The following SMG9 variants were observed in gnomAD, a reference collection of about 807,000 sequenced individuals.
SMG9 encodes nonsense-mediated mRNA decay factor SMG9.
In SMG9, 55 loss-of-function variants were observed where a neutral mutation model predicts 64.0. The ratio of observed to expected loss-of-function variants is 0.86; its 90% CI spans 0.69 to 1.08. SMG9 has a LOEUF of 1.08. SMG9 is among the 50% of genes least tolerant of loss of function. The pLI, the probability that SMG9 is intolerant of heterozygous loss-of-function variation, is 0.00. For missense variants in SMG9, 554 were observed against 681.3 expected (o/e 0.81, Z 2.08); for synonymous variants, 244 against 254.8 (o/e 0.96, Z 0.41).
chr19:43,734,621 C>CA (rs1968599458), intron 9 of SMG9, 126 bp from the exon 10 acceptor site: 1 of 577,066 alleles, frequency 1.7e-6, no homozygotes, highest in Non-Finnish European at 3.1e-6. Context: ...ACCATATACA[C>CA]ACCATGTTTC....
rs1302553874 is a variant in SMG9 at position 43,754,777 on chromosome 19, TG to T, written c.-131del. The T allele has an allele frequency of 6.6e-6, 1 of 151,456 alleles. No individual in the cohort carries two copies. Among genetic ancestry groups the T allele is most frequent in the Non-Finnish European group, 1.5e-5 (1 of 67,824 alleles). 9.4% of individuals were successfully genotyped at this position (151,456 alleles called of 1,614,324 possible). On this transcript the variant is annotated 5_prime_UTR_variant, in exon 1 of 14. The change abolishes the stop of an existing upstream ORF in the 5' untranslated region. Transcript: ENST00000270066. ...AAATGGCGTCTGGGGGCCAGGAACG[TG>T]GGAAGGAGAGAAAATGGGCACTCCC...
chr19:43,732,842 T>C lies in SMG9; in HGVS notation c.1484+16A>G. On this transcript the variant is annotated intron_variant, in intron 13 of 13. Coordinates refer to ENST00000270066, the MANE Select transcript of SMG9 (RefSeq NM_019108.4). ...TGGGGTGCCTCAAATTGACCCCCTC[T>C]GCAAAGAGCTCTTACCAGTTCTTCT... 1 of 1,613,532 alleles carries C rather than the reference T, an allele frequency of 6.2e-7. No homozygotes were observed. Among genetic ancestry groups the C allele is most frequent in the Non-Finnish European group, 8.5e-7 (1 of 1,179,982 alleles).
At chr19:43,752,903 A>G (rs1443178822) in intron 1 of SMG9, among the ~76,000 whole-genome samples, 1 of 110,280 alleles carries the variant, frequency 9.1e-6, no homozygotes, top group East Asian at 2.1e-4. Context: ...GACCCTGTCT[A>G]AAAAAAAAAA....
At position 43,740,092 on chromosome 19, in the gene SMG9, AG is replaced by A. The variant is rs749997318; in HGVS notation, c.813+14del. 11 of 1,562,278 alleles carry A rather than the reference AG, an allele frequency of 7.0e-6. No homozygotes were observed. In the African/African-American group the frequency reaches 1.5e-4, roughly 21 times the overall value. On this transcript the variant is annotated intron_variant, in intron 7 of 13. Transcript: ENST00000270066. ...GGATGTGGCAGGGTGGGGCAAAGGCAGGCGGGGCTGGCACCTGTGTGTCCAG... is the reference window on the plus strand; with the variant it reads ...GGATGTGGCAGGGTGGGGCAAAGGCAGCGGGGCTGGCACCTGTGTGTCCAG...
chr19:43,733,904 C>A (rs1166935500), intron 10 of SMG9, 171 bp from the exon 11 acceptor site: 4 of 604,904 alleles, frequency 6.6e-6, no homozygotes, highest in Non-Finnish European at 1.2e-5. Flanking sequence ...ATGCTGGGGA[C>A]CCAGAAGTGA....
intron 1 of SMG9, among the ~76,000 whole-genome samples, chr19:43,754,214 G>A (rs143165551): frequency 6.6e-6 from 1 of 152,122 alleles, no homozygotes; most frequent in South Asian, 2.1e-4. Context: ...CCACTTCGTG[G>A]GGCACTCCCC....
chr19:43,746,427 G>C (rs1024107035), intron 5 of SMG9, among the ~76,000 whole-genome samples: 1 of 152,170 alleles, frequency 6.6e-6, no homozygotes, highest in Non-Finnish European at 1.5e-5. Context: ...CATCACTGCA[G>C]AAAGTTTTCC....
At position 43,731,457 on chromosome 19, in the gene SMG9, C is replaced by T; in HGVS notation, c.*139G>A. On this transcript the variant is annotated 3_prime_UTR_variant, in exon 14 of 14. Transcript: ENST00000270066. Reference sequence around the variant, plus strand: ...GGGCCTGGCCCTGGACACCTCATGTCTCTGGGCCGGGAAGCCACGATCCCT... The same window carrying T: ...GGGCCTGGCCCTGGACACCTCATGTTTCTGGGCCGGGAAGCCACGATCCCT... 1 of 1,484,054 alleles carries T rather than the reference C, an allele frequency of 6.7e-7. No individual in the cohort carries two copies. Among genetic ancestry groups the T allele is most frequent in the East Asian group, 2.5e-5 (1 of 40,398 alleles). 91.9% of individuals were successfully genotyped at this position (1,484,054 alleles called of 1,614,324 possible). A position where few individuals can be genotyped will look rare whatever the true frequency, so the allele number is the denominator to read the frequency against.
Position 43,747,806 on chromosome 19 carries a change from T to TCC in SMG9, c.315_316dup (p.Glu106GlyfsTer9). 1 of 1,604,934 alleles carries TCC rather than the reference T, an allele frequency of 6.2e-7. No individual in the cohort carries two copies. Among genetic ancestry groups the TCC allele is most frequent in the Non-Finnish European group, 8.5e-7 (1 of 1,175,260 alleles). ...TGTCACGGCCACAGGCCCCTTCCCC[T>TCC]CCTCCCGTGGCTTCATGAGAACGAT... On this transcript the variant is annotated frameshift_variant, in exon 4 of 14. Transcript: ENST00000270066. LOFTEE classifies it high-confidence loss of function.
intron 10 of SMG9, chr19:43,734,166 C>G: frequency 1.8e-6 from 1 of 569,746 alleles, no homozygotes; most frequent in Non-Finnish European, 3.1e-6. Context: ...ATTCCAGACA[C>G]AGGCTCAGGG....
chr19:43,751,268 G>A (rs1401627970), intron 1 of SMG9, among the ~76,000 whole-genome samples: 2 of 150,624 alleles, frequency 1.3e-5, no homozygotes, highest in African/African-American at 4.9e-5. Flanking sequence ...TGAGAAGCTG[G>A]GATTACAGAT....
chr19:43,739,933 G>A, intron 7 of SMG9, 174 bp downstream of exon 7: 1 of 611,318 alleles, frequency 1.6e-6, no homozygotes, highest in South Asian at 1.9e-5. Flanking sequence ...GGGGGCAAAA[G>A]TGACAAGAGA....
intron 9 of SMG9, among the ~76,000 whole-genome samples, chr19:43,737,194 A>G (rs1006843399): frequency 2.3e-4 from 35 of 152,190 alleles, no homozygotes; most frequent in African/African-American, 8.4e-4. Flanking sequence ...AATCACTTGA[A>G]CCCAGAAGAT....
intron 6 of SMG9, 33 bp from the exon 7 acceptor site, chr19:43,740,251 G>C (rs1396018318): frequency 1.4e-6 from 2 of 1,466,738 alleles, no homozygotes; most frequent in Non-Finnish European, 1.9e-6. Context: ...GTGTGTGAGA[G>C]CTCTGGTTCT....
chr19:43,750,057 G>A, intron 2 of SMG9: 1 of 471,726 alleles, frequency 2.1e-6, no homozygotes, highest in Non-Finnish European at 4.3e-6. Flanking sequence ...AAGAGTAACA[G>A]TTGTTGTTAT....
At chr19:43,752,317 T>C (rs1969214912) in intron 1 of SMG9, among the ~76,000 whole-genome samples, 1 of 152,246 alleles carries the variant, frequency 6.6e-6, no homozygotes, top group Non-Finnish European at 1.5e-5. Context: ...TTAGAGAGTT[T>C]TCCCAGCTGT....
chr19:43,740,626 G>A (rs146866963), intron 6 of SMG9, among the ~76,000 whole-genome samples: 3 of 152,172 alleles, frequency 2.0e-5, no homozygotes, highest in African/African-American at 7.2e-5. Context: ...CTGTGAGGTC[G>A]GTATGTGTAA....
intron 1 of SMG9, among the ~76,000 whole-genome samples, chr19:43,753,335 C>T (rs1969248672): frequency 6.6e-6 from 1 of 152,210 alleles, no homozygotes; most frequent in African/African-American, 2.4e-5. Flanking sequence ...GAAATCTACC[C>T]AGTGCTTAAG....
chr19:43,750,998 T>C (rs164071), intron 1 of SMG9, among the ~76,000 whole-genome samples: 41,510 of 151,766 alleles, frequency 0.27, 6,388 homozygotes, highest in African/African-American at 0.42. Context: ...CTAATTTTTA[T>C]ATTTTTAGTA....
Sources: allele counts gnomAD v4.1 joint callset (sites outside exome capture counted in the v4.1 genomes callset), GRCh38; gene constraint gnomAD v4.1.1; transcripts MANE v1.5; gene names NCBI Gene and HGNC (gene_info 2026-07-23, HGNC 2026-07-21).